Variants in DNAJB6 observed in about 807,000 individuals in gnomAD.
DNAJB6 encodes DnaJ heat shock protein family (Hsp40) member B6, also known as dnaJ homolog subfamily B member 6.
DNAJB6 carries 16 observed loss-of-function variants against 42.7 expected under a neutral mutation model. That is an observed-to-expected ratio of 0.37 (90% confidence interval 0.25 to 0.57). The LOEUF is 0.57. Among genes scored for constraint, DNAJB6 ranks in the 20% least tolerant of loss-of-function variants. The pLI, the probability that DNAJB6 is intolerant of heterozygous loss-of-function variation, is 0.74. For missense variants in DNAJB6, 347 were observed against 416.8 expected, an observed-to-expected ratio of 0.83 and a Z score of 1.46; for synonymous variants, 170 against 163.5, an observed-to-expected ratio of 1.04 and a Z score of -0.30.
chr7:157,369,799 A>AG (rs34867678), intron 5 of DNAJB6, among the ~76,000 whole-genome samples: 1 of 119,112 alleles, frequency 8.4e-6, no homozygotes, highest in African/African-American at 4.5e-5. Context: ...TTATTAAACG[A>AG]GCCCCTTCTT....
At chr7:157,369,801 C>A (rs558810134) in intron 5 of DNAJB6, among the ~76,000 whole-genome samples, 9 of 149,786 alleles carry the variant, frequency 6.0e-5, no homozygotes, top group African/African-American at 2.2e-4. Context: ...ATTAAACGAG[C>A]CCCTTCTTAA....
chr7:157,374,059 C>T (rs188147982), intron 5 of DNAJB6, among the ~76,000 whole-genome samples: 2 of 152,206 alleles, frequency 1.3e-5, no homozygotes, highest in East Asian at 1.9e-4. Flanking sequence ...CCGTGATGTA[C>T]GAGACTGGTT....
chr7:157,410,097 G>A, intron 9 of DNAJB6, 96 bp downstream of exon 9: 1 of 1,442,882 alleles, frequency 6.9e-7, no homozygotes, highest in Non-Finnish European at 9.1e-7. Flanking sequence ...GGGCTGCTGT[G>A]TTCTGACCTG....
chr7:157,366,526 A>G lies in DNAJB6; in HGVS notation c.200A>G (p.Lys67Arg). 2 of 1,614,078 alleles carry G rather than the reference A, an allele frequency of 1.2e-6. No individual in the cohort carries two copies. The highest frequency in any genetic ancestry group is 1.1e-5 in the South Asian group (1 of 91,066). Residue 67 changes from lysine to arginine, a missense_variant, in exon 4 of 10, where the codon AAA (lysine) becomes AGA (arginine). Around this residue, in one of 3 missense-constraint regions of DNAJB6, gnomAD observed 78 missense variants for 102.1 expected, o/e 0.76. Coordinates refer to ENST00000262177, the MANE Select transcript of DNAJB6 (RefSeq NM_058246.4). ...GCTAAGAAACGGGACATCTATGACAAATATGGCAAAGAAGGATTAAATGGT... is the reference window on the plus strand; with the variant it reads ...GCTAAGAAACGGGACATCTATGACAGATATGGCAAAGAAGGATTAAATGGT... ...SDAKKRDIYD[K>R]YGKEGLNGGG...
intron 1 of DNAJB6, among the ~76,000 whole-genome samples, chr7:157,344,034 ATTG>A (rs1798555819): frequency 6.6e-6 from 1 of 152,166 alleles, no homozygotes; most frequent in South Asian, 2.1e-4. Context: ...AAGTTTCATA[ATTG>A]TTATTAGAAA....
At chr7:157,344,991 TTTTA>T (rs1398666242) in intron 1 of DNAJB6, among the ~76,000 whole-genome samples, 1 of 152,086 alleles carries the variant, frequency 6.6e-6, no homozygotes, top group Non-Finnish European at 1.5e-5. Flanking sequence ...TTTTGTTTAT[TTTTA>T]TTTATTTTAT....
At chr7:157,376,911 G>T (rs1298540625) in intron 5 of DNAJB6, among the ~76,000 whole-genome samples, 1 of 152,100 alleles carries the variant, frequency 6.6e-6, no homozygotes. Context: ...GAAATACATT[G>T]TTTTGGCCCA....
chr7:157,343,572 C>T (rs1798529356), intron 1 of DNAJB6, among the ~76,000 whole-genome samples: 1 of 152,104 alleles, frequency 6.6e-6, no homozygotes, highest in African/African-American at 2.4e-5. Context: ...TCAAGCAGTT[C>T]TCCTGCCTCA....
At chr7:157,346,316 T>A (rs925620261) in intron 1 of DNAJB6, among the ~76,000 whole-genome samples, 8 of 117,734 alleles carry the variant, frequency 6.8e-5, no homozygotes, top group South Asian at 6.4e-4. Flanking sequence ...CAAGGAGTAG[T>A]AAAAAAAAAA....
At chr7:157,375,353 C>G (rs1299824179) in intron 5 of DNAJB6, among the ~76,000 whole-genome samples, 1 of 152,160 alleles carries the variant, frequency 6.6e-6, no homozygotes, top group Non-Finnish European at 1.5e-5. Context: ...TTCCTCATCT[C>G]ATGTTGGCTC....
chr7:157,400,368 T>TTGTA, intron 8 of DNAJB6, among the ~76,000 whole-genome samples: 1 of 152,182 alleles, frequency 6.6e-6, no homozygotes, highest in Non-Finnish European at 1.5e-5. Flanking sequence ...ATGGACACGC[T>TTGTA]CGTGTGTGGT....
At chr7:157,398,493 C>T (rs1389756403) in intron 8 of DNAJB6, among the ~76,000 whole-genome samples, 2 of 152,198 alleles carry the variant, frequency 1.3e-5, no homozygotes, top group Non-Finnish European at 2.9e-5. Context: ...CAGCCAGGCT[C>T]CTGCACTCCA....
intron 8 of DNAJB6, among the ~76,000 whole-genome samples, chr7:157,397,165 A>G (rs915966333): frequency 1.3e-5 from 2 of 152,200 alleles, no homozygotes; most frequent in African/African-American, 4.8e-5. Context: ...GTGCGTCTGT[A>G]GCTACCCCTT....
Position 157,416,389 on chromosome 7 carries a change from G to A in DNAJB6, c.*291G>A. 1 of 402,328 alleles carries A rather than the reference G, an allele frequency of 2.5e-6. No homozygotes were observed. The highest frequency in any genetic ancestry group is 3.3e-5 in the South Asian group (1 of 29,886). The allele number at this position is 402,328 out of a possible 1,614,324, so 24.9% of individuals were successfully genotyped here. A position where few individuals can be genotyped will look rare whatever the true frequency, so the allele number is the denominator to read the frequency against. ...TTCCGGATCCTCTTCATTCTTTTCG[G>A]CTACTCAACCACTCCGCATGCTGCT... is the stretch of plus-strand genomic sequence containing the variant. On this transcript the variant is annotated 3_prime_UTR_variant, in exon 10 of 10. Coordinates refer to ENST00000262177, the MANE Select transcript of DNAJB6 (RefSeq NM_058246.4).
intron 9 of DNAJB6, chr7:157,412,795 G>GTGA (rs1172725127): frequency 6.6e-6 from 1 of 152,260 alleles, no homozygotes. Context: ...GCTCCCAGGA[G>GTGA]TGAGCGAGCT....
intron 8 of DNAJB6, among the ~76,000 whole-genome samples, chr7:157,401,616 G>C (rs1795520668): frequency 6.6e-6 from 1 of 152,244 alleles, no homozygotes; most frequent in African/African-American, 2.4e-5. Context: ...CATGACATCT[G>C]TGTGTGAGTT....
chr7:157,360,674 G>C (rs1799539098), intron 2 of DNAJB6, among the ~76,000 whole-genome samples: 1 of 152,206 alleles, frequency 6.6e-6, no homozygotes, highest in Non-Finnish European at 1.5e-5. Flanking sequence ...TTTTAAAAAT[G>C]AGCAGAATGA....
In DNAJB6 at chr7:157,353,080, T is replaced by A. The variant is rs539140437; in HGVS notation, c.-26-5467T>A. Among the ~76,000 whole-genome samples, 113 of 150,094 alleles carry A rather than the reference T, an allele frequency of 7.5e-4. 5 individuals carry two copies. In the East Asian group the frequency reaches 0.018, roughly 24 times the overall value. ...AAGGTCAGGAATTGCCCTATCAAAT[T>A]TTTTTTTTTTTAATTTTTAAAATTT... On this transcript the variant is annotated intron_variant, in intron 1 of 9. Coordinates refer to ENST00000262177, the MANE Select transcript of DNAJB6 (RefSeq NM_058246.4).
intron 8 of DNAJB6, among the ~76,000 whole-genome samples, chr7:157,404,497 GGTCT>G (rs1795678163): frequency 6.8e-6 from 1 of 147,466 alleles, no homozygotes; most frequent in Admixed American, 6.7e-5. Flanking sequence ...ATAGAGATGG[GGTCT>G]GTCTTTTTTC....
Sources: gnomAD v4.1 joint callset for allele counts (sites outside exome capture counted in the v4.1 genomes callset) on GRCh38, gnomAD v4.1.1 for gene constraint, gnomAD v4.1.1 regional missense constraint, MANE v1.5 for transcripts, NCBI Gene and HGNC (gene_info 2026-07-23, HGNC 2026-07-21) for gene names.